The following GOLGA8A variants were observed in gnomAD, a reference collection of about 807,000 sequenced individuals.
The protein encoded by GOLGA8A is golgin subfamily A member 8A.
Under a neutral mutation model 22.1 loss-of-function variants are expected in GOLGA8A, and 3 were observed. The observed-to-expected ratio is 0.14, with a 90% CI of 0.06 to 0.35. The LOEUF (loss-of-function observed/expected upper bound fraction) is 0.35, where lower values mean the gene tolerates loss of function less well. GOLGA8A is among the 10% of genes least tolerant of loss of function. The pLI, the probability that GOLGA8A is intolerant of heterozygous loss-of-function variation, is 1.00. For synonymous variants in GOLGA8A, 7 were observed against 91.7 expected, an observed-to-expected ratio of 0.08 and a Z score of 5.28; for missense variants, 16 against 233.2, an observed-to-expected ratio of 0.07 and a Z score of 6.07.
intron 18 of GOLGA8A, 44 bp downstream of exon 18, chr15:34,383,702 G>GC: frequency 3.1e-5 from 1 of 32,202 alleles, no homozygotes; most frequent in Non-Finnish European, 5.1e-5. Context: ...TTAAGTTGTT[G>GC]GTGGGGGGGG....
At position 34,424,359 on chromosome 15, in the gene GOLGA8A, ACG is replaced by A. The variant is rs1566911414; in HGVS notation, c.-1123+11022_-1123+11023del. Among the ~76,000 whole-genome samples the A allele has an allele frequency of 1.2e-4, 15 of 121,174 alleles. 1 individual carries two copies. Among genetic ancestry groups the A allele is most frequent in the African/African-American group, 1.8e-4 (6 of 32,730 alleles). The allele number at this position is 121,174 out of a possible 152,430, so 79.5% of individuals were successfully genotyped here. A position where few individuals can be genotyped will look rare whatever the true frequency, so the allele number is the denominator to read the frequency against. ...GTGGACTAGTATCAAACACCCCTCC[ACG>A]ATGGACCCCATAACAAAAGGCATAA... On this transcript the variant is annotated intron_variant, in intron 2 of 24. Coordinates refer to ENST00000359187, the MANE Select transcript of GOLGA8A (RefSeq NM_181077.5).
rs1295076670 is a variant in GOLGA8A, at chr15:34,379,270, A to G, written c.*2141T>C. 6.6e-6 allele frequency: 1 copy of G among 152,418 alleles called. No homozygotes were observed. The highest frequency in any genetic ancestry group is 1.5e-5 in the Non-Finnish European group (1 of 67,976). The allele number at this position is 152,418 out of a possible 1,614,324, so 9.4% of individuals were successfully genotyped here. ...ATTTCTTTCTCTACTTTTCCTTCCC[A>G]CCATTTCTTCCTTTTAAACTACAGG... On this transcript the variant is annotated 3_prime_UTR_variant, in exon 25 of 25. Transcript: ENST00000359187.
chr15:34,421,594 G>A (rs1453343667), intron 2 of GOLGA8A, among the ~76,000 whole-genome samples: 3 of 143,844 alleles, frequency 2.1e-5, no homozygotes, highest in African/African-American at 5.1e-5. Context: ...GACTGCATGG[G>A]TTGAGGCACT....
At chr15:34,426,886 G>A (rs1893005811) in intron 2 of GOLGA8A, among the ~76,000 whole-genome samples, 1 of 143,814 alleles carries the variant, frequency 7.0e-6, no homozygotes, top group Non-Finnish European at 1.5e-5. Flanking sequence ...ATCTCAAAAC[G>A]CAAAACAAAA....
intron 2 of GOLGA8A, among the ~76,000 whole-genome samples, chr15:34,412,798 G>A (rs1426564814): frequency 1.4e-5 from 2 of 144,484 alleles, no homozygotes; most frequent in Non-Finnish European, 1.5e-5. Context: ...CTTCTGAGCC[G>A]CTGGCATAGC....
chr15:34,425,196 A>G (rs867531677), intron 2 of GOLGA8A, among the ~76,000 whole-genome samples: 16 of 147,120 alleles, frequency 1.1e-4, no homozygotes, highest in Admixed American at 7.7e-4. Flanking sequence ...GCCCTTTAAG[A>G]TAACTAAGTC....
chr15:34,405,925 TG>T (rs1343359203), intron 4 of GOLGA8A, among the ~76,000 whole-genome samples: 2 of 135,870 alleles, frequency 1.5e-5, no homozygotes, highest in Admixed American at 7.5e-5. Context: ...GCCAGCGGAG[TG>T]GGGAAGTCCA....
rs1430269507 is a variant in GOLGA8A at position 34,398,998 on chromosome 15, T to C, written c.-478+157A>G. On this transcript the variant is annotated intron_variant, in intron 7 of 24. Coordinates refer to ENST00000359187, the MANE Select transcript of GOLGA8A (RefSeq NM_181077.5). ...CATAGATGCAGCACCAAGTACAGTG[T>C]CATTTTACTGGGTTACCTTTTTCAT... is the stretch of plus-strand genomic sequence containing the variant. Among the ~76,000 whole-genome samples, 9 of 138,904 alleles carry C rather than the reference T, an allele frequency of 6.5e-5. 2 individuals are homozygous for C. The highest frequency in any genetic ancestry group is 3.3e-5 in the Non-Finnish European group (2 of 61,406). The allele number at this position is 138,904 out of a possible 152,430, so 91.1% of individuals were successfully genotyped here.
At chr15:34,392,706 G>A (rs1891808071) in intron 8 of GOLGA8A, among the ~76,000 whole-genome samples, 1 of 126,564 alleles carries the variant, frequency 7.9e-6, no homozygotes, top group Middle Eastern at 3.9e-3. Flanking sequence ...CAGTTGGGCG[G>A]GGTCTGAATC....
chr15:34,379,708 A>AT lies in GOLGA8A; in HGVS notation c.*1702dup, dbSNP rs1455517053. 3 of 150,296 alleles carry AT rather than the reference A, an allele frequency of 2.0e-5. No individual in the cohort carries two copies. The highest frequency in any genetic ancestry group is 4.5e-5 in the Non-Finnish European group (3 of 67,240). 9.3% of individuals were successfully genotyped at this position (150,296 alleles called of 1,614,324 possible). ...TCCCCACCCCAGGGAGCACACCTAC[A>AT]TATCTCCCTACAACCTAATAATGTG... On this transcript the variant is annotated 3_prime_UTR_variant, in exon 25 of 25. Coordinates refer to ENST00000359187, the MANE Select transcript of GOLGA8A (RefSeq NM_181077.5).
intron 2 of GOLGA8A, chr15:34,416,798 C>CAAAAAAAA (rs1370201538): frequency 4.8e-5 from 3 of 63,054 alleles, no homozygotes; most frequent in Non-Finnish European, 8.3e-5. Context: ...GACATTGTCT[C>CAAAAAAAA]AAAAAATAAA....
intron 2 of GOLGA8A, among the ~76,000 whole-genome samples, chr15:34,432,588 T>C (rs952326434): frequency 6.7e-6 from 1 of 149,324 alleles, no homozygotes; most frequent in African/African-American, 2.5e-5. Context: ...CACACAGAAT[T>C]GCCCGATGAT....
rs141077357 is a variant in GOLGA8A at position 34,430,558 on chromosome 15, G to A, written c.-1123+4825C>T. 9.4e-3 allele frequency among the ~76,000 whole-genome samples: 1,395 copies of A among 149,076 alleles called. 97 individuals carry two copies. Among genetic ancestry groups the A allele is most frequent in the Non-Finnish European group, 0.016 (1,074 of 67,078 alleles). On this transcript the variant is annotated intron_variant, in intron 2 of 24. Transcript: ENST00000359187. ...AGTGCAGGGACCTGTGGCCAAAATC[G>A]GCCCACTCATCACTCAGCTGACAGC...
intron 2 of GOLGA8A, among the ~76,000 whole-genome samples, chr15:34,430,709 A>C (rs62014616): frequency 0.12 from 15,331 of 132,846 alleles, 1,775 homozygotes; most frequent in South Asian, 0.28. Flanking sequence ...TGCGTGCTTT[A>C]CTGTAGCAGA....
chr15:34,436,354 C>T (rs1226477927), intron 1 of GOLGA8A, among the ~76,000 whole-genome samples: 1 of 149,832 alleles, frequency 6.7e-6, no homozygotes, highest in East Asian at 2.0e-4. Context: ...GGCAGTTTAG[C>T]CCAAAAACAA....
intron 2 of GOLGA8A, chr15:34,418,627 T>G (rs1190494709): frequency 6.8e-6 from 1 of 146,850 alleles, no homozygotes; most frequent in African/African-American, 2.5e-5. Context: ...GAGTCTGGAC[T>G]CCACCCTGTA....
Position 34,380,294 on chromosome 15 carries a change from A to C in GOLGA8A, c.*1117T>G, listed in dbSNP as rs1319141106. 1 of 152,202 alleles carries C rather than the reference A, an allele frequency of 6.6e-6. No individual in the cohort carries two copies. The highest frequency in any genetic ancestry group is 1.5e-5 in the Non-Finnish European group (1 of 68,034). 9.4% of individuals were successfully genotyped at this position (152,202 alleles called of 1,614,324 possible). ...AGCCTCAAAGAAGCTCCATGAACAGAGAGGAATGCCAGGTGTCACACAGCT... is the reference window on the plus strand; with the variant it reads ...AGCCTCAAAGAAGCTCCATGAACAGCGAGGAATGCCAGGTGTCACACAGCT... On this transcript the variant is annotated 3_prime_UTR_variant, in exon 25 of 25. Transcript: ENST00000359187.
At position 34,437,420 on chromosome 15, in the gene GOLGA8A, CCGGTCCGCCG is replaced by C. The variant is rs1893585590; in HGVS notation, c.-1244_-1235del. On this transcript the variant is annotated 5_prime_UTR_variant, in exon 1 of 25. Coordinates refer to ENST00000359187, the MANE Select transcript of GOLGA8A (RefSeq NM_181077.5). ...TACCTGGCCAGGGCGCGGGGCTGCC[CCGGTCCGCCG>C]CCGTCCTCGCCGCGCCGCCGTCCTC... 1 of 141,350 alleles carries C rather than the reference CCGGTCCGCCG, an allele frequency of 7.1e-6. No homozygotes were observed. The highest frequency in any genetic ancestry group is 2.6e-5 in the African/African-American group (1 of 38,780). 8.8% of individuals were successfully genotyped at this position (141,350 alleles called of 1,614,324 possible).
intron 2 of GOLGA8A, among the ~76,000 whole-genome samples, chr15:34,425,237 G>C (rs1194538400): frequency 1.4e-5 from 2 of 148,144 alleles, no homozygotes; most frequent in Admixed American, 6.9e-5. Context: ...TTACACGGTA[G>C]ATAGTGGCAC....
Sources: allele counts gnomAD v4.1 joint callset (sites outside exome capture counted in the v4.1 genomes callset), GRCh38; gene constraint gnomAD v4.1.1; transcripts MANE v1.5; gene names NCBI Gene and HGNC (gene_info 2026-07-23, HGNC 2026-07-21).